PTPRB: variants seen among roughly 807,000 people sequenced by gnomAD.
The protein encoded by PTPRB is receptor-type tyrosine-protein phosphatase beta.
Under a neutral mutation model 238.1 loss-of-function variants are expected in PTPRB, and 97 were observed. The ratio of observed to expected loss-of-function variants is 0.41; its 90% CI spans 0.35 to 0.48. The LOEUF is 0.48. PTPRB is among the 20% of genes least tolerant of loss of function. The probability of loss-of-function intolerance (pLI) is 0.30; values close to 1 mark genes in which losing one functional copy is unlikely to be tolerated. For missense variants in PTPRB, 2,292 were observed against 2,681.9 expected (o/e 0.85, Z 3.21); for synonymous variants, 970 against 995.4 (o/e 0.97, Z 0.48).
chr12:70,632,016 G>T (rs888277178), intron 2 of PTPRB, among the ~76,000 whole-genome samples: 2 of 152,156 alleles, frequency 1.3e-5, no homozygotes, highest in Non-Finnish European at 2.9e-5. Context: ...GGAAGACAGT[G>T]TGGTGATTCT....
intron 25 of PTPRB, 57 bp downstream of exon 25, chr12:70,539,770 T>C (rs574178566): frequency 3.9e-5 from 62 of 1,595,264 alleles, no homozygotes; most frequent in Middle Eastern, 1.7e-4. Flanking sequence ...GCCATAACTA[T>C]TCTGACTCAT....
chr12:70,631,808 A>G (rs1034792338), intron 2 of PTPRB, among the ~76,000 whole-genome samples: 2 of 152,252 alleles, frequency 1.3e-5, no homozygotes, highest in African/African-American at 4.8e-5. Context: ...ACATTTATGC[A>G]GCCAACAGAC....
intron 11 of PTPRB, among the ~76,000 whole-genome samples, chr12:70,575,983 A>C (rs1041196839): frequency 1.3e-5 from 2 of 152,216 alleles, no homozygotes; most frequent in Admixed American, 6.5e-5. Context: ...GATCTGAAAC[A>C]CACTGGCTGT....
rs1053209080 is a variant in PTPRB at position 70,534,569 on chromosome 12, T to C, written c.6287A>G (p.Gln2096Arg). ...AGTTCTCACAAACTGGATCAGAGAC[T>C]GGGTGGTTTCTGGGACTCCATGGTC... ...WPDHGVPETT[Q>R]SLIQFVRTVR... Residue 2096 changes from glutamine to arginine, a missense_variant, in exon 31 of 34, where the codon CAG (glutamine) becomes CGG (arginine). Gln to Arg is a conservative substitution (Grantham distance 43). This residue lies in a region of PTPRB where 397 missense variants were observed against 502.0 expected (regional missense o/e 0.79). Transcript: ENST00000334414. 6.2e-7 allele frequency: 1 copy of C among 1,613,290 alleles called. No individual in the cohort carries two copies. Among genetic ancestry groups the C allele is most frequent in the Admixed American group, 1.7e-5 (1 of 59,950 alleles).
chr12:70,524,627 G>C (rs908059996), intron 32 of PTPRB, 36 bp from the exon 33 acceptor site: 18 of 1,559,908 alleles, frequency 1.2e-5, no homozygotes, highest in Non-Finnish European at 1.5e-5. Flanking sequence ...AGGAGGGCCT[G>C]TTCTCATGCA....
rs1162682764 is a variant in PTPRB at position 70,596,121 on chromosome 12, T to C, written c.1186A>G (p.Lys396Glu). The C allele has an allele frequency of 6.2e-7, 1 of 1,613,522 alleles. No individual in the cohort carries two copies. Among genetic ancestry groups the C allele is most frequent in the Admixed American group, 1.7e-5 (1 of 60,014 alleles). The part of the protein sequence containing the change: ...YTFFNLTAGS[K>E]YNIAITAVSG... Reference sequence around the variant, plus strand: ...ACAGCTGTGATGGCAATATTGTATTTACTACCAGCAGTGAGATTGAAAAAA... The same window carrying C: ...ACAGCTGTGATGGCAATATTGTATTCACTACCAGCAGTGAGATTGAAAAAA... The change falls in exon 5 of 34, where the codon AAA becomes GAA. Residue 396 changes from lysine to glutamate, a missense_variant. Physicochemically the swap from Lys to Glu is moderately conservative, Grantham distance 56. Coordinates refer to ENST00000334414, the MANE Select transcript of PTPRB (RefSeq NM_001109754.4).
rs569935964 is a variant in PTPRB, at chr12:70,518,464, A to T, written c.*3025T>A. 6.6e-6 allele frequency: 1 copy of T among 152,312 alleles called. No individual in the cohort carries two copies. Among genetic ancestry groups the T allele is most frequent in the Admixed American group, 6.5e-5 (1 of 15,288 alleles). 9.4% of individuals were successfully genotyped at this position (152,312 alleles called of 1,614,324 possible). On this transcript the variant is annotated 3_prime_UTR_variant, in exon 34 of 34. Transcript: ENST00000334414. ...TGAAATTATGGTCATCTCTTTGATG[A>T]TGTGGAACCTGAAAGGACTATGAAA...
chr12:70,569,468 G>T (rs1258572593), intron 14 of PTPRB, among the ~76,000 whole-genome samples: 2 of 152,078 alleles, frequency 1.3e-5, no homozygotes, highest in Non-Finnish European at 2.9e-5. Context: ...AAATGATTTG[G>T]TTTCTGATTC....
intron 32 of PTPRB, among the ~76,000 whole-genome samples, chr12:70,530,383 T>C (rs1466187681): frequency 6.6e-6 from 1 of 152,184 alleles, no homozygotes; most frequent in Non-Finnish European, 1.5e-5. Flanking sequence ...TATGTATATA[T>C]GCAATATATG....
In PTPRB at chr12:70,594,544, G is replaced by T. The variant is rs1171836663; in HGVS notation, c.1439C>A (p.Pro480His). Residue 480 changes from proline (P) to histidine (H), a missense_variant, in exon 6 of 34, where the codon CCT (proline) becomes CAT (histidine). Around this residue, in one of 4 missense-constraint regions of PTPRB, gnomAD observed 1,205 missense variants for 1,287.8 expected, o/e 0.94. Coordinates refer to ENST00000334414, the MANE Select transcript of PTPRB (RefSeq NM_001109754.4). ...AACAGTGAGGTTGTAGAGGTAGCCAGGGGTCAGCCCGTGAAAAGCATAGGA... is the reference window on the plus strand; with the variant it reads ...AACAGTGAGGTTGTAGAGGTAGCCATGGGTCAGCCCGTGAAAAGCATAGGA... ...ATSYAFHGLT[P>H]GYLYNLTVMT... 1 of 1,613,984 alleles carries T rather than the reference G, an allele frequency of 6.2e-7. No homozygotes were observed. Among genetic ancestry groups the T allele is most frequent in the Admixed American group, 1.7e-5 (1 of 60,012 alleles).
intron 4 of PTPRB, among the ~76,000 whole-genome samples, chr12:70,598,481 T>C (rs565595248): frequency 6.6e-6 from 1 of 152,248 alleles, no homozygotes; most frequent in South Asian, 2.1e-4. Flanking sequence ...AACAAAGTCA[T>C]GAGACTTTGG....
chr12:70,553,944 CT>C (rs1205441174), intron 20 of PTPRB, among the ~76,000 whole-genome samples: 4 of 152,186 alleles, frequency 2.6e-5, no homozygotes, highest in African/African-American at 9.7e-5. Flanking sequence ...GGAAGGCTGT[CT>C]GGCTGGGGAA....
intron 15 of PTPRB, 110 bp downstream of exon 15, chr12:70,566,325 A>G (rs1879291880): frequency 7.5e-7 from 1 of 1,337,412 alleles, no homozygotes; most frequent in Non-Finnish European, 1.0e-6. Context: ...CAGCGTATCA[A>G]GAGATAGATA....
intron 3 of PTPRB, among the ~76,000 whole-genome samples, chr12:70,613,072 T>C (rs1884530605): frequency 6.6e-6 from 1 of 152,082 alleles, no homozygotes; most frequent in African/African-American, 2.4e-5. Context: ...ATACAATGGG[T>C]CATCAAGGGG....
At chr12:70,589,293 AG>A (rs1374328746) in intron 8 of PTPRB, among the ~76,000 whole-genome samples, 1 of 152,202 alleles carries the variant, frequency 6.6e-6, no homozygotes, top group Non-Finnish European at 1.5e-5. Flanking sequence ...CCCTATTATC[AG>A]GCGAACTAAG....
chr12:70,577,245 C>A (rs554792062), intron 10 of PTPRB, among the ~76,000 whole-genome samples: 1 of 152,276 alleles, frequency 6.6e-6, no homozygotes, highest in African/African-American at 2.4e-5. Flanking sequence ...AAAAACCTAT[C>A]TTGGAAGTAA....
chr12:70,570,877 A>T, intron 13 of PTPRB, 149 bp downstream of exon 13: 1 of 860,652 alleles, frequency 1.2e-6, no homozygotes, highest in Non-Finnish European at 1.8e-6. Context: ...TCCAGGTTGG[A>T]CAACATCATT....
chr12:70,538,815 T>G, intron 27 of PTPRB, 109 bp downstream of exon 27: 1 of 849,694 alleles, frequency 1.2e-6, no homozygotes, highest in Non-Finnish European at 1.9e-6. Flanking sequence ...GAGCTTGAGA[T>G]TGTCCATATC....
At chr12:70,595,390 T>C (rs1431884537) in intron 5 of PTPRB, among the ~76,000 whole-genome samples, 1 of 152,172 alleles carries the variant, frequency 6.6e-6, no homozygotes, top group Non-Finnish European at 1.5e-5. Flanking sequence ...ATGGCACGTG[T>C]ATACCTATGT....
Sources: gnomAD v4.1 joint callset for allele counts (sites outside exome capture counted in the v4.1 genomes callset) on GRCh38, gnomAD v4.1.1 for gene constraint, gnomAD v4.1.1 regional missense constraint, MANE v1.5 for transcripts, NCBI Gene and HGNC (gene_info 2026-07-23, HGNC 2026-07-21) for gene names.